PREX2: variants seen among roughly 807,000 people sequenced by gnomAD.
PREX2 encodes phosphatidylinositol 3,4,5-trisphosphate-dependent Rac exchanger 2 protein.
A neutral mutation model predicts 203.2 loss-of-function variants in PREX2; 107 were observed. That is an observed-to-expected ratio of 0.53 (90% CI 0.45 to 0.62). The LOEUF is 0.62. Among genes scored for constraint, PREX2 ranks in the 20% least tolerant of loss-of-function variants. The pLI, the probability that PREX2 is intolerant of heterozygous loss-of-function variation, is 0.00. For synonymous variants in PREX2, 672 were observed against 663.6 expected, an observed-to-expected ratio of 1.01 and a Z score of -0.19; for missense variants, 1,777 against 1,955.9, an observed-to-expected ratio of 0.91 and a Z score of 1.72.
At chr8:68,034,004 C>A (rs1327194734) in intron 6 of PREX2, among the ~76,000 whole-genome samples, 2 of 152,118 alleles carry the variant, frequency 1.3e-5, no homozygotes, top group Non-Finnish European at 2.9e-5. Context: ...TTCCTTACTA[C>A]GTGCTATTAT....
chr8:68,163,206 T>C (rs1167227568), intron 35 of PREX2, among the ~76,000 whole-genome samples: 1 of 152,188 alleles, frequency 6.6e-6, no homozygotes, highest in Non-Finnish European at 1.5e-5. Flanking sequence ...TCTTATAGGT[T>C]TAGTTTTAAA....
intron 17 of PREX2, among the ~76,000 whole-genome samples, chr8:68,081,614 GTT>G (rs2129611929): frequency 6.6e-6 from 1 of 152,300 alleles, no homozygotes; most frequent in East Asian, 1.9e-4. Context: ...CGTTGATAGT[GTT>G]TTATATGAGT....
chr8:68,053,139 A>G lies in PREX2; in HGVS notation c.986A>G (p.Lys329Arg). The G allele has an allele frequency of 6.2e-7, 1 of 1,613,554 alleles. No homozygotes were observed. Among genetic ancestry groups the G allele is most frequent in the African/African-American group, 1.3e-5 (1 of 75,016 alleles). ...GGACACATTGTTGTTAATGGATGGA[A>G]GATACATAACACAGCAAAAAATAAA... ...SSGHIVVNGW[K>R]IHNTAKNKWF... is the part of the protein sequence containing the mutation. Residue 329 changes from lysine (K) to arginine (R), a missense_variant, in exon 9 of 40, where the codon AAG (lysine) becomes AGG (arginine). Transcript: ENST00000288368.
At chr8:68,219,414 G>A (rs1310238060) in intron 38 of PREX2, among the ~76,000 whole-genome samples, 1 of 152,222 alleles carries the variant, frequency 6.6e-6, no homozygotes, top group South Asian at 2.1e-4. Context: ...CTATATTGAT[G>A]TGTATTATGT....
In PREX2 at chr8:68,087,745, A is replaced by G; in HGVS notation, c.2049A>G (p.Ser683=). The G allele has an allele frequency of 6.2e-7, 1 of 1,613,618 alleles. No individual in the cohort carries two copies. The change falls in exon 19 of 40, where the codon TCA becomes TCG. Residue 683 remains serine, a synonymous_variant. Transcript: ENST00000288368. ...TTAGGACAGTGAAAATTCCAGATTC[A>G]GCTGATGGACTTGGCTTCCAGATCC... is the stretch of plus-strand genomic sequence containing the variant. ...KPRETVKIPD[S]ADGLGFQIRG...
chr8:68,213,884 T>C (rs530855936), intron 37 of PREX2, among the ~76,000 whole-genome samples: 4 of 152,296 alleles, frequency 2.6e-5, no homozygotes, highest in Non-Finnish European at 4.4e-5. Flanking sequence ...ACAATTGCCT[T>C]TTTATGAAGG....
intron 7 of PREX2, among the ~76,000 whole-genome samples, chr8:68,040,091 T>C (rs969334809): frequency 6.6e-6 from 1 of 152,104 alleles, no homozygotes; most frequent in African/African-American, 2.4e-5. Flanking sequence ...TGCAATGGTA[T>C]GATCATAGCT....
intron 34 of PREX2, 82 bp from the exon 35 acceptor site, chr8:68,157,240 C>A (rs556730847): frequency 3.2e-6 from 2 of 628,974 alleles, no homozygotes; most frequent in African/African-American, 1.9e-5. Context: ...GCTAAATTTA[C>A]TAATAATCAA....
chr8:68,070,044 A>C (rs78049528), intron 13 of PREX2, among the ~76,000 whole-genome samples, 160 bp downstream of exon 13: 1 of 151,650 alleles, frequency 6.6e-6, no homozygotes, highest in African/African-American at 2.4e-5. Flanking sequence ...ATATCCCTAC[A>C]TTTTCTTAAG....
intron 1 of PREX2, among the ~76,000 whole-genome samples, chr8:67,955,831 C>G (rs1290477896): frequency 6.6e-6 from 1 of 152,142 alleles, no homozygotes; most frequent in South Asian, 2.1e-4. Flanking sequence ...TTTTGATTTC[C>G]TGTTTTCTTC....
At position 68,069,884 on chromosome 8, in the gene PREX2, G is replaced by A; in HGVS notation, c.1493G>A (p.Arg498Lys). ...CATAGCCTTTTTACTCCAGTGATAA[G>A]GTGAGTCTGGTTTTTAAGTTCTGGG... The part of the protein sequence containing the change: ...RLHSLFTPVI[R>K]DKDYHLRTYK... The change falls in exon 13 of 40, where the codon AGA becomes AAA. Residue 498 changes from arginine to lysine, a missense_variant and splice_region_variant. Coordinates refer to ENST00000288368, the MANE Select transcript of PREX2 (RefSeq NM_024870.4). 1 of 1,524,250 alleles carries A rather than the reference G, an allele frequency of 6.6e-7. No homozygotes were observed. The highest frequency in any genetic ancestry group is 9.0e-7 in the Non-Finnish European group (1 of 1,111,354). The allele number at this position is 1,524,250 out of a possible 1,614,324, so 94.4% of individuals were successfully genotyped here.
At chr8:68,036,926 G>A (rs1016617651) in intron 6 of PREX2, among the ~76,000 whole-genome samples, 1 of 151,942 alleles carries the variant, frequency 6.6e-6, no homozygotes, top group African/African-American at 2.4e-5. Flanking sequence ...GGCAAGAAGA[G>A]TGAAACTCCA....
intron 21 of PREX2, 111 bp downstream of exon 21, chr8:68,093,833 C>T (rs1377686548): frequency 9.5e-6 from 5 of 524,404 alleles, no homozygotes; most frequent in African/African-American, 3.8e-5. Context: ...ATTCTTAAGT[C>T]GTTATCACCA....
rs554874770 is a variant in PREX2 at position 68,191,554 on chromosome 8, T to C, written c.4347-168T>C. Reference sequence around the variant, plus strand: ...GACCCGGTGGTAATTTTATCCATCTTTTTAAAATGGAAACCTTTTGACATT... The same window carrying C: ...GACCCGGTGGTAATTTTATCCATCTCTTTAAAATGGAAACCTTTTGACATT... On this transcript the variant is annotated intron_variant, in intron 35 of 39. Coordinates refer to ENST00000288368, the MANE Select transcript of PREX2 (RefSeq NM_024870.4). Among the ~76,000 whole-genome samples, 3 of 152,356 alleles carry C rather than the reference T, an allele frequency of 2.0e-5. No homozygotes were observed. The East Asian group carries it at 5.8e-4, about 29-fold the overall frequency.
At chr8:68,193,425 C>G (rs907026525) in intron 37 of PREX2, among the ~76,000 whole-genome samples, 12 of 152,134 alleles carry the variant, frequency 7.9e-5, no homozygotes, top group Non-Finnish European at 1.5e-4. Context: ...AACCCGTCAC[C>G]TACATTAGGT....
intron 1 of PREX2, among the ~76,000 whole-genome samples, chr8:67,964,789 A>G (rs1052642020): frequency 6.6e-6 from 1 of 152,184 alleles, no homozygotes; most frequent in Non-Finnish European, 1.5e-5. Context: ...CTGCATATTC[A>G]TTAACTCACG....
At chr8:68,147,530 C>T (rs35746610) in intron 34 of PREX2, among the ~76,000 whole-genome samples, 50,082 of 151,986 alleles carry the variant, frequency 0.33, 8,888 homozygotes, top group African/African-American at 0.46. Context: ...CCATGTGAGA[C>T]TTGCCCTTCA....
At chr8:67,980,227 G>A (rs764216674) in intron 1 of PREX2, among the ~76,000 whole-genome samples, 2 of 152,148 alleles carry the variant, frequency 1.3e-5, no homozygotes, top group Non-Finnish European at 2.9e-5. Flanking sequence ...GAGGAGAGGG[G>A]AAGAGTGGGG....
chr8:68,127,484 T>G lies in PREX2; in HGVS notation c.3766+65T>G, dbSNP rs1810917264. ...ATTGTGGCCCAGGATCATAAAGGCC[T>G]TGAAATTTGAGGACAACGCCTTCAA... On this transcript the variant is annotated intron_variant, in intron 31 of 39. Coordinates refer to ENST00000288368, the MANE Select transcript of PREX2 (RefSeq NM_024870.4). 5 of 1,150,962 alleles carry G rather than the reference T, an allele frequency of 4.3e-6. No individual in the cohort carries two copies. In the South Asian group the frequency reaches 6.4e-5, roughly 15 times the overall value. The allele number at this position is 1,150,962 out of a possible 1,614,324, so 71.3% of individuals were successfully genotyped here.
Sources: allele counts gnomAD v4.1 joint callset (sites outside exome capture counted in the v4.1 genomes callset), GRCh38; gene constraint gnomAD v4.1.1; transcripts MANE v1.5; gene names NCBI Gene and HGNC (gene_info 2026-07-23, HGNC 2026-07-21).